The following SMPD4 variants were observed in gnomAD, a reference collection of about 807,000 sequenced individuals.
The protein encoded by SMPD4 is sphingomyelin phosphodiesterase 4.
SMPD4 carries 58 observed loss-of-function variants against 97.8 expected under a neutral mutation model. The observed-to-expected ratio is 0.59, with a 90% CI of 0.48 to 0.74. SMPD4 has a LOEUF of 0.74. Ranked by LOEUF, SMPD4 falls within the 30% of genes least tolerant of loss-of-function variation. The pLI is 0.00. For missense variants in SMPD4, 853 were observed against 1,080.5 expected (o/e 0.79, Z 2.95); for synonymous variants, 388 against 450.0 (o/e 0.86, Z 1.74).
chr2:130,171,981 T>G (rs1317910214), intron 8 of SMPD4, among the ~76,000 whole-genome samples: 1 of 152,184 alleles, frequency 6.6e-6, no homozygotes, highest in Non-Finnish European at 1.5e-5. Context: ...CAAGATCTGC[T>G]CCTGGGGCCC....
At chr2:130,155,356 C>T in intron 14 of SMPD4, 97 bp from the exon 15 acceptor site, 5 of 1,481,848 alleles carry the variant, frequency 3.4e-6, no homozygotes, top group Non-Finnish European at 4.6e-6. Context: ...CACCCTTGGG[C>T]TTTCAGACTC....
chr2:130,158,357 G>A (rs1280453855), intron 11 of SMPD4: 9 of 721,768 alleles, frequency 1.2e-5, no homozygotes, highest in Admixed American at 3.9e-5. Context: ...TCCCTCTGTC[G>A]CCCAGGCTGG....
chr2:130,152,659 A>C lies in SMPD4; in HGVS notation c.2380T>G (p.Cys794Gly). 6.4e-7 allele frequency: 1 copy of C among 1,564,896 alleles called. No individual in the cohort carries two copies. Among genetic ancestry groups the C allele is most frequent in the South Asian group, 1.2e-5 (1 of 85,316 alleles). The change falls in exon 20 of 20, where the codon TGC becomes GGC. Residue 794 changes from cysteine (C) to glycine (G), a missense_variant. Around this residue, in one of 3 missense-constraint regions of SMPD4, gnomAD observed 511 missense variants for 608.1 expected, o/e 0.84. Coordinates refer to ENST00000680298, the MANE Select transcript of SMPD4 (RefSeq NM_017951.5). ...LLAFFVASLF[C>G]VGPLPCTLLL... is the part of the protein sequence containing the mutation. ...AGCGTGCATGGGAGGGGCCCGACGCAGAACAGAGAGGCCACGAAGAAGGCC... is the reference window on the plus strand; with the variant it reads ...AGCGTGCATGGGAGGGGCCCGACGCCGAACAGAGAGGCCACGAAGAAGGCC...
At chr2:130,166,850 C>G (rs1687975900) in intron 9 of SMPD4, among the ~76,000 whole-genome samples, 2 of 152,264 alleles carry the variant, frequency 1.3e-5, no homozygotes, top group African/African-American at 4.8e-5. Context: ...GGAGGCTGCA[C>G]AGACCCCTCA....
At chr2:130,163,056 G>A (rs1022388100) in intron 10 of SMPD4, among the ~76,000 whole-genome samples, 4 of 152,252 alleles carry the variant, frequency 2.6e-5, no homozygotes, top group African/African-American at 9.6e-5. Context: ...GCTGACTCTT[G>A]AAAGTAGGTG....
intron 15 of SMPD4, 27 bp downstream of exon 15, chr2:130,155,069 C>A: frequency 6.2e-7 from 1 of 1,612,790 alleles, no homozygotes. Context: ...TTGACGTATA[C>A]CGGGCTGGCC....
chr2:130,181,399 C>T lies in SMPD4; in HGVS notation c.-46+131G>A, dbSNP rs1371670863. ...CGGGGCCCTCCACTCCCCAGCCTGC[C>T]CTGCCTGGGCAGAGCCGGCTGGCCG... On this transcript the variant is annotated intron_variant, in intron 1 of 19. Transcript: ENST00000680298. The T allele has an allele frequency of 6.1e-6, 9 of 1,471,362 alleles. No homozygotes were observed. In the East Asian group the frequency reaches 1.7e-4, roughly 28 times the overall value. 91.1% of individuals were successfully genotyped at this position (1,471,362 alleles called of 1,614,324 possible).
chr2:130,176,037 G>A (rs1210974522), intron 2 of SMPD4, among the ~76,000 whole-genome samples: 3 of 151,518 alleles, frequency 2.0e-5, no homozygotes, highest in African/African-American at 7.3e-5. Flanking sequence ...TGCCCAGGCT[G>A]GTCTCAAACT....
chr2:130,153,224 T>A, intron 18 of SMPD4, 53 bp from the exon 19 acceptor site: 1 of 1,612,890 alleles, frequency 6.2e-7, no homozygotes, highest in Admixed American at 1.7e-5. Flanking sequence ...CACACACAAC[T>A]CAGAGGAGCC....
chr2:130,178,993 G>A (rs928487426), intron 1 of SMPD4, among the ~76,000 whole-genome samples: 4 of 152,152 alleles, frequency 2.6e-5, no homozygotes, highest in African/African-American at 9.7e-5. Context: ...AAGGCACTGG[G>A]GTGACACCTG....
chr2:130,153,923 C>A lies in SMPD4; in HGVS notation c.1672G>T (p.Ala558Ser). ...TGTTTGGCCTGTGTGATGAGCTGAG[C>A]GAGGCGCAGGACCTGCAAGGGAGGC... is the stretch of plus-strand genomic sequence containing the variant. ...PEARTLVLRL[A>S]QLITQAKHTA... is the part of the protein sequence containing the mutation. The change falls in exon 17 of 20, where the codon GCT becomes TCT. Residue 558 changes from alanine (A) to serine (S), a missense_variant. By Grantham distance (99) the Ala-to-Ser change is moderately conservative. Coordinates refer to ENST00000680298, the MANE Select transcript of SMPD4 (RefSeq NM_017951.5). 2 of 1,613,496 alleles carry A rather than the reference C, an allele frequency of 1.2e-6. No individual in the cohort carries two copies. Among genetic ancestry groups the A allele is most frequent in the Non-Finnish European group, 8.5e-7 (1 of 1,179,796 alleles).
chr2:130,167,287 A>C (rs1688028296), intron 9 of SMPD4, among the ~76,000 whole-genome samples, 171 bp downstream of exon 9: 1 of 151,964 alleles, frequency 6.6e-6, no homozygotes, highest in African/African-American at 2.4e-5. Context: ...CGCCCAACTA[A>C]TTTTTGTGTT....
intron 9 of SMPD4, among the ~76,000 whole-genome samples, chr2:130,166,302 C>G (rs1276935853): frequency 8.1e-6 from 1 of 124,030 alleles, no homozygotes; most frequent in Non-Finnish European, 1.7e-5. Flanking sequence ...GAGGGAGACT[C>G]CATCTCAAAA....
At chr2:130,180,007 A>T (rs113557731) in intron 1 of SMPD4, among the ~76,000 whole-genome samples, 6 of 140,700 alleles carry the variant, frequency 4.3e-5, no homozygotes, top group African/African-American at 1.6e-4. Flanking sequence ...TCTGTCGCCC[A>T]GAGTGGAGTG....
chr2:130,158,324 T>C, intron 11 of SMPD4: 1 of 1,136,172 alleles, frequency 8.8e-7, no homozygotes, highest in Non-Finnish European at 1.1e-6. Context: ...CCAAACTTTT[T>C]TTTTTTTTCT....
At chr2:130,181,392 A>G (rs1689611656) in intron 1 of SMPD4, 138 bp downstream of exon 1, 1 of 1,463,682 alleles carries the variant, frequency 6.8e-7, no homozygotes, top group South Asian at 1.4e-5. Flanking sequence ...TCCACTCCCC[A>G]GCCTGCCCTG....
intron 18 of SMPD4, 73 bp downstream of exon 18, chr2:130,153,246 G>A: frequency 1.2e-6 from 2 of 1,612,654 alleles, no homozygotes; most frequent in Non-Finnish European, 1.7e-6. Flanking sequence ...GATGGCCTCT[G>A]CTCACAAGGG....
intron 10 of SMPD4, among the ~76,000 whole-genome samples, chr2:130,162,108 C>T (rs1350096553): frequency 2.6e-5 from 4 of 152,194 alleles, no homozygotes; most frequent in Non-Finnish European, 5.9e-5. Flanking sequence ...CCTCTCCTAC[C>T]GCACCAGAAA....
At position 130,164,259 on chromosome 2, in the gene SMPD4, G is replaced by A. The variant is rs1487093356; in HGVS notation, c.864+115C>T. On this transcript the variant is annotated intron_variant, in intron 10 of 19. Transcript: ENST00000680298. Reference sequence around the variant, plus strand: ...TTGGCTTCTGAGTGACAGGTGGGTGGTGGGTTTCTGCTTCCCACCATCCAG... The same window carrying A: ...TTGGCTTCTGAGTGACAGGTGGGTGATGGGTTTCTGCTTCCCACCATCCAG... The A allele has an allele frequency of 1.3e-5, 11 of 870,550 alleles. No homozygotes were observed. The African/African-American group carries it at 1.5e-4, about 12-fold the overall frequency. The allele number at this position is 870,550 out of a possible 1,614,324, so 53.9% of individuals were successfully genotyped here.
Sources: gnomAD v4.1 joint callset for allele counts (sites outside exome capture counted in the v4.1 genomes callset) on GRCh38, gnomAD v4.1.1 for gene constraint, gnomAD v4.1.1 regional missense constraint, MANE v1.5 for transcripts, NCBI Gene and HGNC (gene_info 2026-07-23, HGNC 2026-07-21) for gene names.